Variants in CAMTA1 observed in about 807,000 individuals in gnomAD.
The protein encoded by CAMTA1 is calmodulin binding transcription activator 1.
CAMTA1 carries 27 observed loss-of-function variants against 170.9 expected under a neutral mutation model. The observed-to-expected ratio is 0.16, with a 90% CI of 0.12 to 0.22. The LOEUF is 0.22. CAMTA1 is among the 10% of genes least tolerant of loss of function. The pLI, the probability that CAMTA1 is intolerant of heterozygous loss-of-function variation, is 1.00. For missense variants in CAMTA1, 1,619 were observed against 2,217.2 expected (o/e 0.73, Z 5.42); for synonymous variants, 833 against 891.5 (o/e 0.93, Z 1.17).
intron 3 of CAMTA1, among the ~76,000 whole-genome samples, chr1:6,881,339 A>G (rs963208916): frequency 1.1e-4 from 16 of 152,210 alleles, no homozygotes; most frequent in African/African-American, 3.4e-4. Context: ...GGTATCTCTC[A>G]TGAGGTGAAT....
chr1:6,991,916 G>A (rs1696443371), intron 3 of CAMTA1, among the ~76,000 whole-genome samples: 1 of 152,076 alleles, frequency 6.6e-6, no homozygotes. Context: ...TGGCCAGGTT[G>A]GTCTCAAACT....
At chr1:6,828,449 G>A (rs897268435) in intron 3 of CAMTA1, among the ~76,000 whole-genome samples, 26 of 151,808 alleles carry the variant, frequency 1.7e-4, no homozygotes, top group Non-Finnish European at 2.9e-4. Flanking sequence ...GTGCCACCAT[G>A]CCCAGCTAAT....
At position 7,408,716 on chromosome 1, in the gene CAMTA1, G is replaced by C. The variant is rs1557666084; in HGVS notation, c.439-59114G>C. Among the ~76,000 whole-genome samples the C allele has an allele frequency of 2.0e-5, 3 of 152,192 alleles. No individual in the cohort carries two copies. The South Asian group carries it at 6.2e-4, about 31-fold the overall frequency. On this transcript the variant is annotated intron_variant, in intron 5 of 22. Coordinates refer to ENST00000303635, the MANE Select transcript of CAMTA1 (RefSeq NM_015215.4). Reference sequence around the variant, plus strand: ...GTAAGCCCTGGGCGCCAGGCGGCCTGGGTCCTCAGCCTCCATAGCACGCCT... The same window carrying C: ...GTAAGCCCTGGGCGCCAGGCGGCCTCGGTCCTCAGCCTCCATAGCACGCCT...
chr1:6,809,590 C>G (rs559642937), intron 1 of CAMTA1, among the ~76,000 whole-genome samples: 18 of 152,130 alleles, frequency 1.2e-4, no homozygotes, highest in Admixed American at 1.1e-3. Context: ...AAGGTACAGA[C>G]AGTACCTTTG....
chr1:7,308,563 G>A (rs1371394304), intron 5 of CAMTA1, among the ~76,000 whole-genome samples: 1 of 152,084 alleles, frequency 6.6e-6, no homozygotes, highest in Non-Finnish European at 1.5e-5. Context: ...TGTTTGATCA[G>A]TTAAAAATAT....
chr1:7,648,558 G>A (rs987365264), intron 7 of CAMTA1, among the ~76,000 whole-genome samples: 10 of 152,318 alleles, frequency 6.6e-5, no homozygotes, highest in East Asian at 1.9e-4. Flanking sequence ...ACTTAGAGGC[G>A]TGTTCCAGGG....
chr1:7,205,541 A>T (rs1055435586), intron 4 of CAMTA1, among the ~76,000 whole-genome samples: 7 of 152,142 alleles, frequency 4.6e-5, no homozygotes, highest in African/African-American at 1.2e-4. Flanking sequence ...TTTTATTTTT[A>T]TGAAATGTCC....
intron 3 of CAMTA1, among the ~76,000 whole-genome samples, chr1:7,079,755 G>A (rs1639772976): frequency 6.6e-6 from 1 of 152,030 alleles, no homozygotes; most frequent in African/African-American, 2.4e-5. Flanking sequence ...TTACAGGCAT[G>A]AGCCACAGTG....
chr1:7,042,615 G>C (rs1466793111), intron 3 of CAMTA1, among the ~76,000 whole-genome samples: 3 of 152,218 alleles, frequency 2.0e-5, no homozygotes, highest in Non-Finnish European at 4.4e-5. Flanking sequence ...GCTGGTCGGG[G>C]GAGGGGGAGC....
intron 6 of CAMTA1, among the ~76,000 whole-genome samples, chr1:7,526,615 C>A (rs1336090002): frequency 1.3e-5 from 2 of 152,226 alleles, no homozygotes; most frequent in African/African-American, 4.8e-5. Context: ...AAAGGTGGGA[C>A]AAAGCATGAG....
At position 7,703,832 on chromosome 1, in the gene CAMTA1, C is replaced by A. The variant is rs559356928; in HGVS notation, c.2914+26099C>A. Among the ~76,000 whole-genome samples the A allele has an allele frequency of 7.0e-4, 106 of 152,312 alleles. 1 individual carries two copies. Among genetic ancestry groups the A allele is most frequent in the African/African-American group, 2.4e-3 (99 of 41,578 alleles). ...GCGGGATCCGCTCGGGACGCCTGAGCCTCGATTAAGAGGTGCGGCTCGGGA... is the reference window on the plus strand; with the variant it reads ...GCGGGATCCGCTCGGGACGCCTGAGACTCGATTAAGAGGTGCGGCTCGGGA... On this transcript the variant is annotated intron_variant, in intron 11 of 22. Coordinates refer to ENST00000303635, the MANE Select transcript of CAMTA1 (RefSeq NM_015215.4).
chr1:7,479,360 C>A (rs757972337), intron 6 of CAMTA1, among the ~76,000 whole-genome samples: 3 of 152,192 alleles, frequency 2.0e-5, no homozygotes, highest in Non-Finnish European at 4.4e-5. Context: ...CCTCTCAGTT[C>A]TCCTGCCTTC....
chr1:7,352,164 A>AGAGAAG (rs747701498), intron 5 of CAMTA1, among the ~76,000 whole-genome samples: 2 of 149,748 alleles, frequency 1.3e-5, no homozygotes, highest in African/African-American at 2.5e-5. Context: ...AAGAGGGAGG[A>AGAGAAG]GAGAAGGAGG....
At chr1:6,999,567 G>A (rs1697876609) in intron 3 of CAMTA1, among the ~76,000 whole-genome samples, 1 of 152,160 alleles carries the variant, frequency 6.6e-6, no homozygotes, top group African/African-American at 2.4e-5. Flanking sequence ...TGTTTTTGTA[G>A]AGACGGGGCT....
chr1:7,137,219 G>A (rs1365098256), intron 4 of CAMTA1, among the ~76,000 whole-genome samples: 4 of 152,118 alleles, frequency 2.6e-5, no homozygotes, highest in Admixed American at 2.6e-4. Flanking sequence ...AGATACAGAA[G>A]CCATCAACTT....
chr1:7,394,434 T>C (rs1031805291), intron 5 of CAMTA1, among the ~76,000 whole-genome samples: 2 of 152,218 alleles, frequency 1.3e-5, no homozygotes, highest in Non-Finnish European at 2.9e-5. Flanking sequence ...ATTTCCCTGA[T>C]GATTAGTGAT....
At chr1:7,708,507 A>G (rs114292161) in intron 11 of CAMTA1, among the ~76,000 whole-genome samples, 1 of 152,348 alleles carries the variant, frequency 6.6e-6, no homozygotes, top group African/African-American at 2.4e-5. Flanking sequence ...AAAAAAAGAA[A>G]AAGACAGTGG....
chr1:7,180,702 C>T (rs778396000), intron 4 of CAMTA1, among the ~76,000 whole-genome samples: 6 of 151,636 alleles, frequency 4.0e-5, no homozygotes, highest in Admixed American at 6.6e-5. Flanking sequence ...TTTATAGAGA[C>T]GGATTCACCA....
rs1157891175 is a variant in CAMTA1 at position 7,426,232 on chromosome 1, C to T, written c.439-41598C>T. On this transcript the variant is annotated intron_variant, in intron 5 of 22. Transcript: ENST00000303635. This position sits in a 1 kb window ranked among gnomAD's most constrained non-coding sequence, Gnocchi z 4.8. ...CTTGCTCTTTAACTATATCCAGGTG[C>T]CCAGGGCCAGAGAGAGCTGCACGGT... 2.0e-5 allele frequency among the ~76,000 whole-genome samples: 3 copies of T among 152,168 alleles called. No individual in the cohort carries two copies. The highest frequency in any genetic ancestry group is 7.2e-5 in the African/African-American group (3 of 41,434).
Sources: allele counts gnomAD v4.1 joint callset (sites outside exome capture counted in the v4.1 genomes callset), GRCh38; gene constraint gnomAD v4.1.1; non-coding constraint Gnocchi (gnomAD v3.1); transcripts MANE v1.5; gene names NCBI Gene and HGNC (gene_info 2026-07-23, HGNC 2026-07-21).